KIF5C: variants seen among roughly 807,000 people sequenced by gnomAD.
KIF5C encodes kinesin family member 5C.
Under a neutral mutation model 125.2 loss-of-function variants are expected in KIF5C, and 18 were observed. That is an observed-to-expected ratio of 0.14 (90% CI 0.10 to 0.21). The LOEUF (loss-of-function observed/expected upper bound fraction) is 0.21, where lower values mean the gene tolerates loss of function less well. KIF5C is among the 10% of genes least tolerant of loss of function. KIF5C has a pLI of 1.00. For missense variants in KIF5C, 780 were observed against 1,183.8 expected, an observed-to-expected ratio of 0.66 and a Z score of 5.01; for synonymous variants, 405 against 434.0, an observed-to-expected ratio of 0.93 and a Z score of 0.83.
At chr2:149,016,369 G>A (rs1040277259) in intron 25 of KIF5C, among the ~76,000 whole-genome samples, 1 of 152,124 alleles carries the variant, frequency 6.6e-6, no homozygotes, top group African/African-American at 2.4e-5. Flanking sequence ...GTTGCCTAGG[G>A]CGTCACTGTA....
chr2:148,918,365 G>A (rs1244911324), intron 1 of KIF5C, among the ~76,000 whole-genome samples: 2 of 152,134 alleles, frequency 1.3e-5, no homozygotes, highest in Non-Finnish European at 2.9e-5. Flanking sequence ...GGATTTATAT[G>A]GCTTCTGTTT....
intron 3 of KIF5C, among the ~76,000 whole-genome samples, chr2:148,932,914 G>A (rs1411893854): frequency 1.3e-5 from 2 of 152,102 alleles, no homozygotes; most frequent in African/African-American, 4.8e-5. Flanking sequence ...GGTGGCTGGT[G>A]GCCTGGGTCT....
chr2:148,912,927 A>G (rs970921195), intron 1 of KIF5C, among the ~76,000 whole-genome samples: 6 of 152,124 alleles, frequency 3.9e-5, no homozygotes, highest in Admixed American at 3.3e-4. Flanking sequence ...ACTATTAAAG[A>G]CCTATTTGGA....
At chr2:148,904,826 T>C (rs1212256223) in intron 1 of KIF5C, among the ~76,000 whole-genome samples, 3 of 152,186 alleles carry the variant, frequency 2.0e-5, no homozygotes, top group Non-Finnish European at 4.4e-5. Flanking sequence ...ATCTTTGTAG[T>C]TGATAATTTT....
chr2:149,016,776 G>C (rs987052229), intron 25 of KIF5C, among the ~76,000 whole-genome samples: 3 of 152,164 alleles, frequency 2.0e-5, no homozygotes, highest in Non-Finnish European at 2.9e-5. Context: ...GGAGAGTTGT[G>C]ACTTGTAGAT....
chr2:149,008,198 A>AGCCCTCATGTCCTC, intron 23 of KIF5C, 131 bp downstream of exon 23: 1 of 1,201,426 alleles, frequency 8.3e-7, no homozygotes. Context: ...ATCAGAGGAC[A>AGCCCTCATGTCCTC]TGAGGGCTGG....
intron 11 of KIF5C, among the ~76,000 whole-genome samples, chr2:148,967,761 A>G (rs1391361527): frequency 6.6e-6 from 1 of 152,196 alleles, no homozygotes; most frequent in Non-Finnish European, 1.5e-5. Flanking sequence ...CTTAAGGAAC[A>G]GATAGGATGG....
chr2:148,961,809 T>G (rs1414165431), intron 10 of KIF5C, among the ~76,000 whole-genome samples, 162 bp from the exon 11 acceptor site: 1 of 152,214 alleles, frequency 6.6e-6, no homozygotes, highest in Non-Finnish European at 1.5e-5. Context: ...CAAGGGTTAG[T>G]GGTGCCGTTA....
intron 1 of KIF5C, among the ~76,000 whole-genome samples, chr2:148,920,848 T>C (rs1483626566): frequency 3.9e-5 from 6 of 152,186 alleles, no homozygotes; most frequent in Non-Finnish European, 7.3e-5. Context: ...TGGTTCCTGG[T>C]GTCCAGAGCC....
At chr2:148,903,410 G>A (rs569592771) in intron 1 of KIF5C, among the ~76,000 whole-genome samples, 15 of 152,174 alleles carry the variant, frequency 9.9e-5, no homozygotes, top group Admixed American at 2.6e-4. Flanking sequence ...TCAGCTAAAC[G>A]CCTTTGCTTT....
Position 148,875,569 on chromosome 2 carries a change from G to GCCCCGGGCCCCCCCCCCCAC in KIF5C, c.-43_-42insGCCCCCCCCCCCACCCCCGG. On this transcript the variant is annotated 5_prime_UTR_variant, in exon 1 of 26. Transcript: ENST00000435030. Reference sequence around the variant, plus strand: ...GCGGCCTCCTCCCTCGTCGTTCCCGGCCCCGGCCCCCCACCCATCCCCGTG... The same window carrying GCCCCGGGCCCCCCCCCCCAC: ...GCGGCCTCCTCCCTCGTCGTTCCCGGCCCCGGGCCCCCCCCCCCACCCCCGGCCCCCCACCCATCCCCGTG... 1.4e-6 allele frequency: 1 copy of GCCCCGGGCCCCCCCCCCCAC among 689,868 alleles called. No individual in the cohort carries two copies. Among genetic ancestry groups the GCCCCGGGCCCCCCCCCCCAC allele is most frequent in the Non-Finnish European group, 2.6e-6 (1 of 380,192 alleles). The allele number at this position is 689,868 out of a possible 1,614,324, so 42.7% of individuals were successfully genotyped here. A position where few individuals can be genotyped will look rare whatever the true frequency, so the allele number is the denominator to read the frequency against.
rs1439449025 is a variant in KIF5C at position 149,025,179 on chromosome 2, T to C, written c.*2109T>C. The C allele has an allele frequency of 2.0e-5, 3 of 152,684 alleles. No homozygotes were observed. The highest frequency in any genetic ancestry group is 4.4e-5 in the Non-Finnish European group (3 of 68,050). The allele number at this position is 152,684 out of a possible 1,614,324, so 9.5% of individuals were successfully genotyped here. On this transcript the variant is annotated 3_prime_UTR_variant, in exon 26 of 26. Transcript: ENST00000435030. ...TGTTTCAAAGGGAAACATTCGCTTGTAGTTCCATTTTACTTGATCTCTACA... is the reference window on the plus strand; with the variant it reads ...TGTTTCAAAGGGAAACATTCGCTTGCAGTTCCATTTTACTTGATCTCTACA...
chr2:149,019,335 G>A (rs779919651), intron 25 of KIF5C, among the ~76,000 whole-genome samples: 6 of 152,154 alleles, frequency 3.9e-5, no homozygotes, highest in Non-Finnish European at 7.4e-5. Context: ...CAAAAATTAG[G>A]CCCCCGTGCA....
chr2:148,950,539 T>G (rs576487150), intron 10 of KIF5C, 77 bp downstream of exon 10: 7 of 1,514,220 alleles, frequency 4.6e-6, no homozygotes, highest in Non-Finnish European at 6.2e-6. Flanking sequence ...CTGGGTGCAA[T>G]GGCTCACACC....
intron 1 of KIF5C, among the ~76,000 whole-genome samples, chr2:148,921,492 C>T (rs1320078717): frequency 1.3e-5 from 2 of 152,236 alleles, no homozygotes; most frequent in East Asian, 3.9e-4. Flanking sequence ...TAACTGTGCC[C>T]TGCATGAATT....
intron 13 of KIF5C, 146 bp from the exon 14 acceptor site, chr2:148,981,209 C>T: frequency 1.7e-6 from 2 of 1,185,502 alleles, no homozygotes; most frequent in East Asian, 5.2e-5. Context: ...ATCGTCTGGA[C>T]CATACAGTGG....
intron 10 of KIF5C, among the ~76,000 whole-genome samples, chr2:148,954,599 G>C (rs915643572): frequency 7.9e-5 from 12 of 152,200 alleles, no homozygotes; most frequent in Non-Finnish European, 1.5e-4. Context: ...TTGGCACTGG[G>C]AGTTTTGATT....
At chr2:148,913,544 C>G (rs999579954) in intron 1 of KIF5C, among the ~76,000 whole-genome samples, 10 of 152,184 alleles carry the variant, frequency 6.6e-5, no homozygotes, top group Non-Finnish European at 1.3e-4. Context: ...TCAGAAGCCT[C>G]TCTATGCATC....
At chr2:148,912,237 T>C (rs796580626) in intron 1 of KIF5C, among the ~76,000 whole-genome samples, 22 of 152,338 alleles carry the variant, frequency 1.4e-4, no homozygotes, top group African/African-American at 5.3e-4. Context: ...GAGTTTGTTC[T>C]TCAAATTCCA....
Sources: allele counts gnomAD v4.1 joint callset (sites outside exome capture counted in the v4.1 genomes callset), GRCh38; gene constraint gnomAD v4.1.1; transcripts MANE v1.5; gene names NCBI Gene and HGNC (gene_info 2026-07-23, HGNC 2026-07-21).